FZD3: variants seen among roughly 807,000 people sequenced by gnomAD.
The protein encoded by FZD3 is frizzled class receptor 3.
Under a neutral mutation model 60.7 loss-of-function variants are expected in FZD3, and 30 were observed. That is an observed-to-expected ratio of 0.49 (90% CI 0.37 to 0.67). The LOEUF is 0.67. Ranked by LOEUF, FZD3 falls within the 30% of genes least tolerant of loss-of-function variation. The probability of loss-of-function intolerance (pLI) is 0.00; values close to 1 mark genes in which losing one functional copy is unlikely to be tolerated. For synonymous variants in FZD3, 246 were observed against 275.2 expected (o/e 0.89, Z 1.05); for missense variants, 605 against 838.7 (o/e 0.72, Z 3.44).
chr8:28,558,348 A>G (rs1283276448), intron 7 of FZD3, among the ~76,000 whole-genome samples: 1 of 152,124 alleles, frequency 6.6e-6, no homozygotes, highest in East Asian at 1.9e-4. Flanking sequence ...CTTTTAGAAT[A>G]TATTTATCAG....
chr8:28,540,354 C>T (rs897217376), intron 5 of FZD3, among the ~76,000 whole-genome samples: 2 of 152,028 alleles, frequency 1.3e-5, no homozygotes, highest in African/African-American at 4.8e-5. Flanking sequence ...CTCAGCCTTC[C>T]GAGTAGCTGG....
intron 4 of FZD3, among the ~76,000 whole-genome samples, chr8:28,523,535 T>G (rs564327667): frequency 4.6e-5 from 7 of 151,874 alleles, no homozygotes; most frequent in Non-Finnish European, 1.0e-4. Flanking sequence ...GCTCAGTCAG[T>G]CCTTCTGCCT....
At chr8:28,513,294 C>T (rs572037053) in intron 3 of FZD3, among the ~76,000 whole-genome samples, 41 of 152,190 alleles carry the variant, frequency 2.7e-4, no homozygotes, top group African/African-American at 8.7e-4. Context: ...TCAGAACTGT[C>T]CATGATATTG....
Position 28,551,739 on chromosome 8 carries a change from G to C in FZD3, c.1541G>C (p.Arg514Pro). 6.2e-7 allele frequency: 1 copy of C among 1,601,444 alleles called. No homozygotes were observed. The highest frequency in any genetic ancestry group is 1.8e-5 in the Admixed American group (1 of 56,278). The change falls in exon 6 of 8, where the codon CGT becomes CCT. Residue 514 changes from arginine to proline, a missense_variant. Physicochemically the swap from Arg to Pro is moderately radical, Grantham distance 103. Transcript: ENST00000240093. ...GAATGGGCCAGTTTTTTTCATGGTC[G>C]TAGGAAAAAAGAGTAAGTTGAAATA... ...CFEWASFFHG[R>P]RKKEIVNESR...
chr8:28,536,910 C>A (rs1805029544), intron 5 of FZD3, among the ~76,000 whole-genome samples: 1 of 152,100 alleles, frequency 6.6e-6, no homozygotes, highest in South Asian at 2.1e-4. Flanking sequence ...CAAAAGGAAT[C>A]AGAATTGTTT....
At chr8:28,559,435 A>G (rs939217323) in intron 7 of FZD3, among the ~76,000 whole-genome samples, 2 of 152,216 alleles carry the variant, frequency 1.3e-5, no homozygotes, top group African/African-American at 4.8e-5. Flanking sequence ...TCTAGAGAAT[A>G]AGAACTAGGT....
rs1805497609 is a variant in FZD3, at chr8:28,555,837, T to C, written c.1653T>C (p.Thr551=). The change falls in exon 7 of 8, where the codon ACT becomes ACC. Residue 551 remains threonine, a synonymous_variant. Coordinates refer to ENST00000240093, the MANE Select transcript of FZD3 (RefSeq NM_017412.4). ...NTPIIRKSRG[T]STQGTSTHAS... Reference sequence around the variant, plus strand: ...CTATCATAAGAAAGTCAAGGGGAACTTCCACTCAAGGAACATCCACCCATG... The same window carrying C: ...CTATCATAAGAAAGTCAAGGGGAACCTCCACTCAAGGAACATCCACCCATG... 1.2e-6 allele frequency: 2 copies of C among 1,613,610 alleles called. No homozygotes were observed. Among genetic ancestry groups the C allele is most frequent in the African/African-American group, 2.7e-5 (2 of 75,040 alleles).
chr8:28,542,544 A>G (rs982607714), intron 5 of FZD3, among the ~76,000 whole-genome samples: 6 of 152,186 alleles, frequency 3.9e-5, no homozygotes, highest in South Asian at 2.1e-4. Context: ...AGGCTGATGT[A>G]GGAGAATCGC....
chr8:28,524,522 C>T (rs1439559150), intron 4 of FZD3, among the ~76,000 whole-genome samples: 1 of 152,168 alleles, frequency 6.6e-6, no homozygotes, highest in African/African-American at 2.4e-5. Flanking sequence ...CTCAGCCTGT[C>T]CTTTCCTGAA....
Position 28,494,311 on chromosome 8 carries a change from C to CCCT in FZD3, c.-421_-420insTCC, listed in dbSNP as rs1554530345. 4 of 151,682 alleles carry CCCT rather than the reference C, an allele frequency of 2.6e-5. No homozygotes were observed. Among genetic ancestry groups the CCCT allele is most frequent in the African/African-American group, 9.7e-5 (4 of 41,330 alleles). 9.4% of individuals were successfully genotyped at this position (151,682 alleles called of 1,614,324 possible). A position where few individuals can be genotyped will look rare whatever the true frequency, so the allele number is the denominator to read the frequency against. On this transcript the variant is annotated 5_prime_UTR_variant, in exon 1 of 8. Transcript: ENST00000240093. ...CGCCCGCGGCAGGCGGTGCAGCCCC[C>CCCT]CCACCCCTTGGAGCCAGGCGCCGGG...
At chr8:28,540,072 A>C (rs1344154214) in intron 5 of FZD3, among the ~76,000 whole-genome samples, 1 of 152,252 alleles carries the variant, frequency 6.6e-6, no homozygotes, top group African/African-American at 2.4e-5. Flanking sequence ...GTTAGTGGAG[A>C]TCAGTGATTC....
intron 5 of FZD3, among the ~76,000 whole-genome samples, chr8:28,539,028 A>T (rs1805092958): frequency 6.6e-6 from 1 of 152,006 alleles, no homozygotes; most frequent in Admixed American, 6.6e-5. Context: ...TCGTCTCTTA[A>T]AAAAATACGG....
chr8:28,544,529 A>G (rs1221014446), intron 5 of FZD3, among the ~76,000 whole-genome samples: 1 of 152,218 alleles, frequency 6.6e-6, no homozygotes, highest in East Asian at 1.9e-4. Flanking sequence ...GTTGATATCT[A>G]TCATAATATA....
intron 3 of FZD3, among the ~76,000 whole-genome samples, chr8:28,513,221 T>G (rs528276853): frequency 6.6e-6 from 1 of 152,324 alleles, no homozygotes; most frequent in African/African-American, 2.4e-5. Context: ...AGTGATTTAC[T>G]TGTCTTAAAT....
intron 7 of FZD3, among the ~76,000 whole-genome samples, chr8:28,559,624 A>C (rs990116355): frequency 2.4e-4 from 37 of 152,204 alleles, no homozygotes; most frequent in African/African-American, 8.4e-4. Context: ...TGGCACATGA[A>C]TACTAATACT....
At chr8:28,525,512 ACT>A (rs544507168) in intron 4 of FZD3, among the ~76,000 whole-genome samples, 40 of 152,192 alleles carry the variant, frequency 2.6e-4, no homozygotes, top group Non-Finnish European at 4.4e-4. Context: ...AAGTACAGAG[ACT>A]CTGAAGTGGA....
chr8:28,530,091 G>C (rs77115841), intron 5 of FZD3, among the ~76,000 whole-genome samples: 9 of 7,110 alleles, frequency 1.3e-3, no homozygotes, highest in African/African-American at 7.3e-3. Flanking sequence ...AAATATATCT[G>C]TGTGTGTGTG....
At chr8:28,540,814 G>A (rs1445838349) in intron 5 of FZD3, among the ~76,000 whole-genome samples, 5 of 151,980 alleles carry the variant, frequency 3.3e-5, no homozygotes, top group Admixed American at 6.6e-5. Flanking sequence ...GCGTGGTGGC[G>A]GGTGCCTGTA....
chr8:28,523,730 G>C (rs79587248), intron 4 of FZD3, among the ~76,000 whole-genome samples: 1,909 of 152,214 alleles, frequency 0.013, 46 homozygotes, highest in African/African-American at 0.044. Context: ...GCCAGGCTCT[G>C]CCTCTGAATA....
Sources: gnomAD v4.1 joint callset for allele counts (sites outside exome capture counted in the v4.1 genomes callset) on GRCh38, gnomAD v4.1.1 for gene constraint, MANE v1.5 for transcripts, NCBI Gene and HGNC (gene_info 2026-07-23, HGNC 2026-07-21) for gene names.